Variants in STAG1 observed in about 807,000 individuals in gnomAD.
STAG1 encodes the protein cohesin subunit SA-1.
STAG1 carries 26 observed loss-of-function variants against 170.9 expected under a neutral mutation model. That is an observed-to-expected ratio of 0.15 (90% CI 0.11 to 0.21). The LOEUF (loss-of-function observed/expected upper bound fraction) is 0.21, where lower values mean the gene tolerates loss of function less well. Ranked by LOEUF, STAG1 falls within the 10% of genes least tolerant of loss-of-function variation. The pLI, the probability that STAG1 is intolerant of heterozygous loss-of-function variation, is 1.00. For synonymous variants in STAG1, 514 were observed against 497.7 expected (o/e 1.03, Z -0.44); for missense variants, 964 against 1,509.5 (o/e 0.64, Z 5.99).
intron 14 of STAG1, among the ~76,000 whole-genome samples, chr3:136,447,130 G>A (rs899364279): frequency 6.6e-6 from 1 of 151,342 alleles, no homozygotes; most frequent in Admixed American, 6.6e-5. Context: ...TAAAAATATC[G>A]ATAAGAAGCT....
intron 6 of STAG1, among the ~76,000 whole-genome samples, chr3:136,522,666 C>T (rs967450209): frequency 6.6e-6 from 1 of 151,804 alleles, no homozygotes; most frequent in Admixed American, 6.6e-5. Context: ...GTGTGCTGCA[C>T]CCATTAACTC....
intron 13 of STAG1, among the ~76,000 whole-genome samples, chr3:136,460,688 C>A (rs1047996549): frequency 5.9e-5 from 9 of 151,534 alleles, no homozygotes; most frequent in South Asian, 2.1e-4. Context: ...AGTCTCCCCC[C>A]CCAAAAAAAA....
At chr3:136,452,499 G>A (rs1053605661) in intron 13 of STAG1, among the ~76,000 whole-genome samples, 1 of 151,570 alleles carries the variant, frequency 6.6e-6, no homozygotes, top group African/African-American at 2.4e-5. Flanking sequence ...AGGAGGCGGA[G>A]CTTGCAGACA....
intron 1 of STAG1, among the ~76,000 whole-genome samples, chr3:136,700,876 CTTTTTTT>C (rs35459362): frequency 4.2e-4 from 33 of 78,338 alleles, no homozygotes; most frequent in African/African-American, 1.3e-3. Flanking sequence ...TATTTTTTTT[CTTTTTTT>C]TTTTTTTTTT....
chr3:136,487,059 T>C (rs139768479), intron 9 of STAG1, among the ~76,000 whole-genome samples: 51 of 147,328 alleles, frequency 3.5e-4, no homozygotes, highest in African/African-American at 1.2e-3. Context: ...CGTGCAGGTT[T>C]GTTATACAGG....
intron 4 of STAG1, among the ~76,000 whole-genome samples, chr3:136,603,064 A>G (rs1392996248): frequency 6.6e-6 from 1 of 152,232 alleles, no homozygotes; most frequent in African/African-American, 2.4e-5. Context: ...GGTAACATAC[A>G]TAAAAAGAAA....
At chr3:136,506,331 T>C (rs191262395) in intron 7 of STAG1, among the ~76,000 whole-genome samples, 1 of 152,142 alleles carries the variant, frequency 6.6e-6, no homozygotes, top group African/African-American at 2.4e-5. Context: ...AGATATGAAG[T>C]GTATTTTGAA....
chr3:136,598,083 C>T (rs958834068), intron 4 of STAG1, among the ~76,000 whole-genome samples: 7 of 152,084 alleles, frequency 4.6e-5, no homozygotes, highest in East Asian at 1.9e-4. Flanking sequence ...ATTATCTGGA[C>T]ATTATACTAA....
intron 1 of STAG1, chr3:136,736,661 A>G (rs1304534033): frequency 1.2e-6 from 2 of 1,604,448 alleles, no homozygotes; most frequent in Admixed American, 1.7e-5. Flanking sequence ...CTTTTTCTTG[A>G]GCTTCAATCT....
intron 9 of STAG1, among the ~76,000 whole-genome samples, chr3:136,498,201 A>T (rs1265133796): frequency 2.1e-5 from 1 of 48,514 alleles, no homozygotes. Context: ...TTAAAAAAAA[A>T]AAAAAAAATT....
intron 21 of STAG1, among the ~76,000 whole-genome samples, chr3:136,406,515 G>A (rs992928231): frequency 6.6e-6 from 1 of 152,040 alleles, no homozygotes; most frequent in African/African-American, 2.4e-5. Context: ...AAATTCATAA[G>A]ACTGTACATA....
At chr3:136,545,387 T>C (rs1485942855) in intron 5 of STAG1, among the ~76,000 whole-genome samples, 3 of 152,148 alleles carry the variant, frequency 2.0e-5, no homozygotes, top group African/African-American at 7.2e-5. Context: ...TTCATTTTTA[T>C]ATAACCTAGC....
intron 2 of STAG1, among the ~76,000 whole-genome samples, chr3:136,626,440 C>A (rs1429962666): frequency 9.9e-4 from 148 of 149,108 alleles, no homozygotes; most frequent in African/African-American, 2.9e-3. Context: ...AAAAAAAAAA[C>A]CAAAAAAACA....
intron 15 of STAG1, among the ~76,000 whole-genome samples, chr3:136,443,054 A>ACATGGATTTTTAAAAATC (rs2088677504): frequency 6.6e-6 from 1 of 152,170 alleles, no homozygotes; most frequent in Admixed American, 6.5e-5. Flanking sequence ...TTTGACTATT[A>ACATGGATTTTTAAAAATC]CATGACACGC....
At chr3:136,368,464 C>G (rs907728904) in intron 24 of STAG1, among the ~76,000 whole-genome samples, 1 of 152,002 alleles carries the variant, frequency 6.6e-6, no homozygotes, top group Non-Finnish European at 1.5e-5. Context: ...TACATAATGA[C>G]CACTTAGGAA....
chr3:136,470,291 G>A (rs1044163547), intron 12 of STAG1, among the ~76,000 whole-genome samples: 26 of 151,768 alleles, frequency 1.7e-4, no homozygotes, highest in Admixed American at 1.3e-4. Context: ...ATTTACAAGA[G>A]AAAAACAAAC....
At chr3:136,451,213 T>C (rs2088931645) in intron 14 of STAG1, among the ~76,000 whole-genome samples, 2 of 151,214 alleles carry the variant, frequency 1.3e-5, no homozygotes, top group South Asian at 4.2e-4. Flanking sequence ...AAACCGAAGT[T>C]TACTTGAGAA....
chr3:136,454,869 G>T (rs952694962), intron 13 of STAG1, among the ~76,000 whole-genome samples: 1 of 152,118 alleles, frequency 6.6e-6, no homozygotes, highest in Admixed American at 6.6e-5. Context: ...GACACTATAC[G>T]TGTGTGGATG....
chr3:136,542,135 G>T lies in STAG1; in HGVS notation c.455C>A (p.Thr152Asn). The T allele has an allele frequency of 6.2e-7, 1 of 1,609,968 alleles. No individual in the cohort carries two copies. Residue 152 changes from threonine to asparagine, a missense_variant, in exon 6 of 34, where the codon ACT (threonine) becomes AAT (asparagine). By Grantham distance (65) the Thr-to-Asn change is moderately conservative (BLOSUM62 0). Around this residue, in one of 11 missense-constraint regions of STAG1, gnomAD observed 33 missense variants for 86.0 expected, o/e 0.38. Transcript: ENST00000383202. ...ATGCTATACCTCATCAAATTCTTCA[G>T]TCATTTTTCTGATGATTTCTGCATT... ...MQNAEIIRKMTEEFDEDSGDY... is the reference protein window; with the variant it reads ...MQNAEIIRKMNEEFDEDSGDY...
Sources: gnomAD v4.1 joint callset for allele counts (sites outside exome capture counted in the v4.1 genomes callset) on GRCh38, gnomAD v4.1.1 for gene constraint, gnomAD v4.1.1 regional missense constraint, MANE v1.5 for transcripts, NCBI Gene and HGNC (gene_info 2026-07-23, HGNC 2026-07-21) for gene names.